The following CELF4 variants were observed in gnomAD, a reference collection of about 807,000 sequenced individuals.
CELF4 encodes CUGBP Elav-like family member 4, also known as CUG-BP- and ETR-3-like factor 4.
Under a neutral mutation model 59.9 loss-of-function variants are expected in CELF4, and 18 were observed. The ratio of observed to expected loss-of-function variants is 0.30; its 90% confidence interval spans 0.21 to 0.45. The LOEUF is 0.45. CELF4 is among the 20% of genes least tolerant of loss of function. The pLI is 1.00. For missense variants in CELF4, 456 were observed against 689.0 expected, an observed-to-expected ratio of 0.66 and a Z score of 3.79; for synonymous variants, 261 against 267.1, an observed-to-expected ratio of 0.98 and a Z score of 0.22.
chr18:37,415,590 T>G (rs1182387635), intron 2 of CELF4, among the ~76,000 whole-genome samples: 1 of 152,236 alleles, frequency 6.6e-6, no homozygotes, highest in Non-Finnish European at 1.5e-5. Flanking sequence ...AGTCTTCTTT[T>G]TTTAACTTTA....
chr18:37,287,964 GAGGTCTAAATGCAA>G (rs2094964202), intron 3 of CELF4, among the ~76,000 whole-genome samples: 1 of 152,196 alleles, frequency 6.6e-6, no homozygotes, highest in African/African-American at 2.4e-5. Flanking sequence ...TTCAGGTAAT[GAGGTCTAAATGCAA>G]AGGTCAGAAA....
At chr18:37,408,755 C>T (rs1012146900) in intron 2 of CELF4, among the ~76,000 whole-genome samples, 2 of 152,190 alleles carry the variant, frequency 1.3e-5, no homozygotes, top group Non-Finnish European at 1.5e-5. Flanking sequence ...GGCGCACCCT[C>T]CCCCGAACAC....
chr18:37,352,519 G>C (rs566672963), intron 2 of CELF4, among the ~76,000 whole-genome samples: 1 of 151,850 alleles, frequency 6.6e-6, no homozygotes, highest in Non-Finnish European at 1.5e-5. Context: ...CTTGAGGCCA[G>C]GAGTTCGAGA....
At chr18:37,547,144 ATGTGTGTGTGTGTGTGGTGTG>A (rs1020577134) in intron 1 of CELF4, among the ~76,000 whole-genome samples, 2 of 102,354 alleles carry the variant, frequency 2.0e-5, no homozygotes, top group Non-Finnish European at 2.1e-5. Flanking sequence ...TGCTTAGTGT[ATGTGTGTGTGTGTGTGGTGTG>A]TGTGTGTGTG....
At chr18:37,438,339 G>A (rs550393048) in intron 2 of CELF4, among the ~76,000 whole-genome samples, 128 of 152,296 alleles carry the variant, frequency 8.4e-4, no homozygotes, top group African/African-American at 2.9e-3. Flanking sequence ...GAGTATCCAT[G>A]GTGGGGCAAG....
intron 3 of CELF4, among the ~76,000 whole-genome samples, chr18:37,279,963 C>T (rs535206066): frequency 6.7e-4 from 102 of 152,296 alleles, no homozygotes; most frequent in Middle Eastern, 3.4e-3. Flanking sequence ...TCTTTTAAAT[C>T]GTGTCTGTGC....
chr18:37,327,614 T>C (rs1053489825), intron 2 of CELF4, among the ~76,000 whole-genome samples: 44 of 152,314 alleles, frequency 2.9e-4, no homozygotes, highest in Admixed American at 5.2e-4. Flanking sequence ...TCCCTTGTCC[T>C]TCACTGCCTG....
chr18:37,259,671 AGGGCATCCCCT>A (rs2073045421), intron 10 of CELF4, among the ~76,000 whole-genome samples: 1 of 152,132 alleles, frequency 6.6e-6, no homozygotes, highest in African/African-American at 2.4e-5. Flanking sequence ...TGGGGGGACC[AGGGCATCCCCT>A]GGGGCAGCCA....
At position 37,264,706 on chromosome 18, in the gene CELF4, G is replaced by A. The variant is rs899856119; in HGVS notation, c.1217C>T (p.Pro406Leu). The A allele has an allele frequency of 2.0e-5, 32 of 1,580,412 alleles. No individual in the cohort carries two copies. Among genetic ancestry groups the A allele is most frequent in the Middle Eastern group, 1.7e-4 (1 of 6,032 alleles). The change falls in exon 10 of 13, where the codon CCG becomes CTG. Residue 406 changes from proline to leucine, a missense_variant. Coordinates refer to ENST00000420428, the MANE Select transcript of CELF4 (RefSeq NM_020180.4). ...CTGCTGCTGGGGGATCATTGGAGGC[G>A]GCTGAGGAAAGGCCTGGCTTATCTG... is the stretch of plus-strand genomic sequence containing the variant. ...YGQISQAFPQ[P>L]PPMIPQQQRE...
Position 37,243,189 on chromosome 18 carries a change from T to TTC in CELF4, c.*2052_*2053insGA, listed in dbSNP as rs1325925080. On this transcript the variant is annotated 3_prime_UTR_variant, in exon 13 of 13. Coordinates refer to ENST00000420428, the MANE Select transcript of CELF4 (RefSeq NM_020180.4). Reference sequence around the variant, plus strand: ...TTTCTTTTTTTTTTCTTTTTTTCTTTTTTTTTTTTTTTTTTTTACATCTGG... The same window carrying TTC: ...TTTCTTTTTTTTTTCTTTTTTTCTTTTCTTTTTTTTTTTTTTTTTACATCTGG... 6.9e-6 allele frequency: 1 copy of TTC among 145,916 alleles called. No individual in the cohort carries two copies. The highest frequency in any genetic ancestry group is 1.5e-5 in the Non-Finnish European group (1 of 66,198). The allele number at this position is 145,916 out of a possible 1,614,324, so 9.0% of individuals were successfully genotyped here. A position where few individuals can be genotyped will look rare whatever the true frequency, so the allele number is the denominator to read the frequency against.
chr18:37,298,703 C>T (rs7234782), intron 3 of CELF4, among the ~76,000 whole-genome samples: 29,930 of 146,444 alleles, frequency 0.2, 4,959 homozygotes, highest in African/African-American at 0.47. Context: ...CCAGCCTGGG[C>T]GACGGAGTGA....
At chr18:37,508,133 T>C (rs927924341) in intron 1 of CELF4, among the ~76,000 whole-genome samples, 2 of 152,152 alleles carry the variant, frequency 1.3e-5, no homozygotes, top group Non-Finnish European at 2.9e-5. Flanking sequence ...CCATTTCTTT[T>C]CCCTGGCTTG....
At chr18:37,428,863 A>G (rs569335178) in intron 2 of CELF4, among the ~76,000 whole-genome samples, 2 of 152,288 alleles carry the variant, frequency 1.3e-5, no homozygotes, top group Admixed American at 6.5e-5. Flanking sequence ...TTATTTCTGT[A>G]TCTCTTCCAC....
intron 3 of CELF4, 63 bp downstream of exon 3, chr18:37,321,740 G>C (rs115865988): frequency 2.3e-5 from 28 of 1,222,944 alleles, no homozygotes; most frequent in South Asian, 5.3e-5. Context: ...GCCTTGCTGC[G>C]TCGGGAAAAG....
chr18:37,270,169 C>T (rs2090430576), intron 8 of CELF4, among the ~76,000 whole-genome samples: 1 of 132,380 alleles, frequency 7.6e-6, no homozygotes, highest in Admixed American at 7.8e-5. Flanking sequence ...CCTCTTGGAT[C>T]TTTCCGTGTG....
At chr18:37,384,170 G>C (rs1315268230) in intron 2 of CELF4, among the ~76,000 whole-genome samples, 2 of 152,148 alleles carry the variant, frequency 1.3e-5, no homozygotes, top group Admixed American at 6.5e-5. Context: ...TAGTGGGAGG[G>C]GGACAAATTT....
chr18:37,548,450 G>A (rs953799470), intron 1 of CELF4, among the ~76,000 whole-genome samples: 1 of 152,116 alleles, frequency 6.6e-6, no homozygotes, highest in African/African-American at 2.4e-5. Flanking sequence ...AGGATGTAAT[G>A]AGATAAAACA....
chr18:37,299,812 T>C (rs1453259894), intron 3 of CELF4, among the ~76,000 whole-genome samples: 1 of 152,144 alleles, frequency 6.6e-6, no homozygotes, highest in Non-Finnish European at 1.5e-5. Context: ...GCTCCCATGC[T>C]TTTTCCCTTC....
intron 2 of CELF4, among the ~76,000 whole-genome samples, chr18:37,426,403 G>T (rs1302187842): frequency 6.6e-6 from 1 of 152,216 alleles, no homozygotes; most frequent in African/African-American, 2.4e-5. Context: ...CTCTTCCAGT[G>T]GCTGGGGAGG....
Sources: gnomAD v4.1 joint callset for allele counts (sites outside exome capture counted in the v4.1 genomes callset) on GRCh38, gnomAD v4.1.1 for gene constraint, MANE v1.5 for transcripts, NCBI Gene and HGNC (gene_info 2026-07-23, HGNC 2026-07-21) for gene names.